CAPNS1: variants seen among roughly 807,000 people sequenced by gnomAD.
The protein encoded by CAPNS1 is CANP small subunit.
Under a neutral mutation model 39.2 loss-of-function variants are expected in CAPNS1, and 32 were observed. That is an observed-to-expected ratio of 0.82 (90% CI 0.62 to 1.10). The LOEUF (loss-of-function observed/expected upper bound fraction) is 1.10, where lower values mean the gene tolerates loss of function less well. CAPNS1 is among the 50% of genes least tolerant of loss of function. The pLI is 0.00. For missense variants in CAPNS1, 353 were observed against 373.1 expected (o/e 0.95, Z 0.44); for synonymous variants, 153 against 136.2 (o/e 1.12, Z -0.86).
chr19:36,142,835 AGT>A, intron 4 of CAPNS1, 72 bp from the exon 5 acceptor site: 1 of 1,590,282 alleles, frequency 6.3e-7, no homozygotes, highest in Non-Finnish European at 8.6e-7. Flanking sequence ...TGACAATCCC[AGT>A]GTTCCCATTC....
chr19:36,140,979 C>T lies in CAPNS1; in HGVS notation c.-15-18C>T. 2 of 1,599,144 alleles carry T rather than the reference C, an allele frequency of 1.3e-6. No homozygotes were observed. The highest frequency in any genetic ancestry group is 1.7e-6 in the Non-Finnish European group (2 of 1,173,422). ...GCTCAGGGGCGAAGCACCCACTGGT[C>T]CCCTTTTTTCCCCCCAGCAGTGAGT... On this transcript the variant is annotated intron_variant, in intron 1 of 10. Transcript: ENST00000246533.
At chr19:36,147,102 T>C (rs562924266) in intron 9 of CAPNS1, among the ~76,000 whole-genome samples, 20 of 152,336 alleles carry the variant, frequency 1.3e-4, no homozygotes, top group Non-Finnish European at 2.5e-4. Flanking sequence ...TACCTCAGCC[T>C]CCCAAAGCTT....
chr19:36,141,050 C>T lies in CAPNS1; in HGVS notation c.39C>T (p.Gly13=). The change falls in exon 2 of 11, where the codon GGC becomes GGT. Residue 13 remains glycine, a synonymous_variant. Transcript: ENST00000246533. ...LVNSFLKGGG[G]GGGGGGGLGG... ...ACTCGTTCTTGAAGGGCGGCGGCGG[C>T]GGCGGCGGGGGAGGCGGGGGCCTGG... 1 of 948,362 alleles carries T rather than the reference C, an allele frequency of 1.1e-6. No individual in the cohort carries two copies. The allele number at this position is 948,362 out of a possible 1,614,324, so 58.7% of individuals were successfully genotyped here.
rs746891128 is a variant in CAPNS1, at chr19:36,141,196, T to C, written c.185T>C (p.Leu62Pro). The change falls in exon 2 of 11, where the codon CTA (leucine) becomes CCA (proline). Residue 62 changes from leucine (L) to proline (P), a missense_variant. By Grantham distance (98) the Leu-to-Pro change is moderately conservative. Transcript: ENST00000246533. The part of the protein sequence containing the change: ...GGGGGTAMRI[L>P]GGVISAISEA... The stretch of plus-strand genomic sequence containing the variant: ...GGCGGTGGAACGGCCATGCGCATCC[T>C]AGGCGGAGTCATCAGCGCCATCAGG... The C allele has an allele frequency of 6.8e-6, 10 of 1,473,106 alleles. No homozygotes were observed. In the Admixed American group the frequency reaches 8.7e-5, roughly 13 times the overall value. 91.3% of individuals were successfully genotyped at this position (1,473,106 alleles called of 1,614,324 possible).
intron 9 of CAPNS1, among the ~76,000 whole-genome samples, chr19:36,146,804 G>T (rs997233610): frequency 6.6e-6 from 1 of 152,094 alleles, no homozygotes; most frequent in African/African-American, 2.4e-5. Context: ...GGCCTAGAAG[G>T]GAAAGAAGAT....
Position 36,140,992 on chromosome 19 carries a change from C to G in CAPNS1, c.-15-5C>G. The G allele has an allele frequency of 6.2e-7, 1 of 1,600,144 alleles. No homozygotes were observed. The highest frequency in any genetic ancestry group is 8.5e-7 in the Non-Finnish European group (1 of 1,174,180). ...GCACCCACTGGTCCCCTTTTTTCCC[C>G]CCAGCAGTGAGTCGCAGCCATGTTC... is the stretch of plus-strand genomic sequence containing the variant. On this transcript the variant is annotated splice_region_variant and splice_polypyrimidine_tract_variant and intron_variant, in intron 1 of 10. Transcript: ENST00000246533.
At chr19:36,142,410 G>T in intron 3 of CAPNS1, 77 bp downstream of exon 3, 1 of 754,170 alleles carries the variant, frequency 1.3e-6, no homozygotes, top group Non-Finnish European at 2.3e-6. Context: ...CTGTAGAGAA[G>T]CCCCACCTTC....
At chr19:36,146,969 C>T (rs1163192894) in intron 9 of CAPNS1, among the ~76,000 whole-genome samples, 5 of 152,160 alleles carry the variant, frequency 3.3e-5, no homozygotes, top group African/African-American at 7.2e-5. Flanking sequence ...CTCAGCTTAC[C>T]GAATACCTGG....
intron 6 of CAPNS1, among the ~76,000 whole-genome samples, chr19:36,144,809 T>A (rs185320597): frequency 2.2e-4 from 34 of 152,380 alleles, no homozygotes; most frequent in Admixed American, 2.2e-3. Context: ...TGAACCGCTC[T>A]GTGCCTCAGT....
chr19:36,143,375 T>C (rs1974448968), intron 6 of CAPNS1, among the ~76,000 whole-genome samples: 1 of 152,072 alleles, frequency 6.6e-6, no homozygotes, highest in Admixed American at 6.6e-5. Flanking sequence ...TTATATTCCA[T>C]TTTACAGAAG....
At chr19:36,142,230 A>C in intron 2 of CAPNS1, 70 bp from the exon 3 acceptor site, 1 of 898,706 alleles carries the variant, frequency 1.1e-6, no homozygotes. Flanking sequence ...GTTGGGGCTG[A>C]TGGTTCTGTA....
rs1568394040 is a variant in CAPNS1 at position 36,145,844 on chromosome 19, G to C, written c.495G>C (p.Lys165Asn). The C allele has an allele frequency of 6.2e-7, 1 of 1,614,168 alleles. No individual in the cohort carries two copies. Among genetic ancestry groups the C allele is most frequent in the Admixed American group, 1.7e-5 (1 of 60,012 alleles). ...TTGKLGFEEF[K>N]YLWNNIKRWQ... is the part of the protein sequence containing the mutation. ...GCAAGCTGGGCTTTGAGGAATTCAA[G>C]TACTTGTGGAACAACATCAAAAGGT... is the stretch of plus-strand genomic sequence containing the variant. Residue 165 changes from lysine (K) to asparagine (N), a missense_variant, in exon 7 of 11, where the codon AAG becomes AAC. By Grantham distance (94) the Lys-to-Asn change is moderately conservative (BLOSUM62 0). Transcript: ENST00000246533.
intron 6 of CAPNS1, among the ~76,000 whole-genome samples, chr19:36,144,585 T>C (rs766484000): frequency 1.3e-5 from 2 of 152,242 alleles, no homozygotes; most frequent in African/African-American, 2.4e-5. Flanking sequence ...GCTTTCACTA[T>C]ATTGACCTGG....
At chr19:36,146,385 C>G in intron 9 of CAPNS1, 73 bp downstream of exon 9, 4 of 981,804 alleles carry the variant, frequency 4.1e-6, no homozygotes, top group Non-Finnish European at 6.6e-6. Flanking sequence ...TCCTCTAAGC[C>G]TGACTTTGAG....
At chr19:36,142,596 G>A in intron 3 of CAPNS1, 56 bp from the exon 4 acceptor site, 1 of 1,468,428 alleles carries the variant, frequency 6.8e-7, no homozygotes, top group Non-Finnish European at 9.5e-7. Context: ...CTGGGTTTGG[G>A]GAGCCGTCCT....
rs747187044 is a variant in CAPNS1, at chr19:36,141,152, C to CGGT, written c.147_149dup (p.Gly56dup). ...GCGGCGGCGGCGGCGGCGGCGGCGG[C>CGGT]GGTGGTGGAGGCGGCGGTGGCGGTG... is the stretch of plus-strand genomic sequence containing the variant. On this transcript the variant is annotated inframe_insertion, in exon 2 of 11. Coordinates refer to ENST00000246533, the MANE Select transcript of CAPNS1 (RefSeq NM_001749.4). 411 of 1,317,468 alleles carry CGGT rather than the reference C, an allele frequency of 3.1e-4. 1 individual carries two copies. The highest frequency in any genetic ancestry group is 2.1e-3 in the African/African-American group (136 of 63,800). 81.6% of individuals were successfully genotyped at this position (1,317,468 alleles called of 1,614,324 possible).
chr19:36,145,784 C>A, intron 6 of CAPNS1, 22 bp from the exon 7 acceptor site: 1 of 1,609,184 alleles, frequency 6.2e-7, no homozygotes, highest in South Asian at 1.1e-5. Context: ...AGCTGTCACT[C>A]TTCTTAACAC....
intron 9 of CAPNS1, among the ~76,000 whole-genome samples, chr19:36,146,816 G>C (rs1304606057): frequency 6.6e-6 from 1 of 151,842 alleles, no homozygotes; most frequent in Admixed American, 6.6e-5. Flanking sequence ...AAAGAAGATG[G>C]GGCTTCTGAT....
chr19:36,149,549 C>A (rs1037519730), intron 9 of CAPNS1, 29 bp from the exon 10 acceptor site: 1 of 1,445,524 alleles, frequency 6.9e-7, no homozygotes, highest in Non-Finnish European at 9.1e-7. Context: ...TCCTTCCCTG[C>A]CGCCAAACCT....
Sources: allele counts gnomAD v4.1 joint callset (sites outside exome capture counted in the v4.1 genomes callset), GRCh38; gene constraint gnomAD v4.1.1; transcripts MANE v1.5; gene names NCBI Gene and HGNC (gene_info 2026-07-23, HGNC 2026-07-21).